Variants in HSF2BP observed in about 807,000 individuals in gnomAD.
HSF2BP encodes heat shock factor 2-binding protein.
Under a neutral mutation model 35.0 loss-of-function variants are expected in HSF2BP, and 35 were observed. That is an observed-to-expected ratio of 1.00 (90% CI 0.76 to 1.32). HSF2BP has a LOEUF of 1.32. HSF2BP is among the 40% of genes most tolerant of loss of function. The pLI is 0.00. For synonymous variants in HSF2BP, 114 were observed against 117.4 expected (o/e 0.97, Z 0.18); for missense variants, 326 against 321.7 (o/e 1.01, Z -0.10).
chr21:43,573,866 G>A (rs901912116), intron 8 of HSF2BP, among the ~76,000 whole-genome samples: 3 of 152,186 alleles, frequency 2.0e-5, no homozygotes, highest in Non-Finnish European at 2.9e-5. Flanking sequence ...CACTTTGCTC[G>A]ATTCCCAACC....
rs544196505 is a variant in HSF2BP, at chr21:43,657,859, C to A, written c.36+202G>T. 1.7e-4 allele frequency: 171 copies of A among 985,480 alleles called. 4 individuals are homozygous for A. In the South Asian group the frequency reaches 7.5e-3, roughly 43 times the overall value. The allele number at this position is 985,480 out of a possible 1,614,324, so 61.0% of individuals were successfully genotyped here. Reference sequence around the variant, plus strand: ...CGCAGCCTCACAGACCGGGTCCCCGCGTGGGTTTGGAGGCGAAGTCGCCTC... The same window carrying A: ...CGCAGCCTCACAGACCGGGTCCCCGAGTGGGTTTGGAGGCGAAGTCGCCTC... On this transcript the variant is annotated intron_variant, in intron 2 of 8. Transcript: ENST00000291560.
chr21:43,623,121 C>G (rs2082350142), intron 6 of HSF2BP, among the ~76,000 whole-genome samples: 1 of 151,960 alleles, frequency 6.6e-6, no homozygotes, highest in African/African-American at 2.4e-5. Context: ...CTTTTCTGAC[C>G]ACAATACAAT....
At chr21:43,642,515 T>A (rs2082650559) in intron 4 of HSF2BP, among the ~76,000 whole-genome samples, 1 of 152,014 alleles carries the variant, frequency 6.6e-6, no homozygotes, top group South Asian at 2.1e-4. Context: ...TCCTCTGTAT[T>A]CACCTTACAG....
rs2082677391 is a variant in HSF2BP at position 43,644,169 on chromosome 21, C to A, written c.291+120G>T. On this transcript the variant is annotated intron_variant, in intron 4 of 8. Coordinates refer to ENST00000291560, the MANE Select transcript of HSF2BP (RefSeq NM_007031.2). ...AACCCACTCAGAATACATACATTTA[C>A]AAATACAATTTATTGAGGATTAAGA... The A allele has an allele frequency of 4.5e-6, 3 of 671,990 alleles. No homozygotes were observed. In the East Asian group the frequency reaches 7.9e-5, roughly 18 times the overall value. The allele number at this position is 671,990 out of a possible 1,614,324, so 41.6% of individuals were successfully genotyped here. A position where few individuals can be genotyped will look rare whatever the true frequency, so the allele number is the denominator to read the frequency against.
At chr21:43,650,462 C>T (rs955451511) in intron 3 of HSF2BP, among the ~76,000 whole-genome samples, 1 of 152,082 alleles carries the variant, frequency 6.6e-6, no homozygotes, top group Admixed American at 6.5e-5. Context: ...ACTTCGGCCT[C>T]CCAAAGTGCT....
chr21:43,589,666 A>G (rs372079876), intron 8 of HSF2BP, among the ~76,000 whole-genome samples: 1 of 152,232 alleles, frequency 6.6e-6, no homozygotes, highest in Non-Finnish European at 1.5e-5. Context: ...ATGATCCAAA[A>G]ATAGATGAAT....
intron 7 of HSF2BP, among the ~76,000 whole-genome samples, chr21:43,599,773 A>G (rs946637948): frequency 3.9e-5 from 6 of 151,950 alleles, no homozygotes; most frequent in African/African-American, 1.5e-4. Context: ...CAGCCTGGGC[A>G]ATAAAGTGAG....
intron 8 of HSF2BP, among the ~76,000 whole-genome samples, chr21:43,589,480 G>C (rs1302094269): frequency 6.6e-6 from 1 of 152,078 alleles, no homozygotes; most frequent in African/African-American, 2.4e-5. Context: ...AATTCCAACA[G>C]GATTCTTTTT....
intron 6 of HSF2BP, among the ~76,000 whole-genome samples, chr21:43,618,330 T>C (rs771237302): frequency 9.8e-5 from 15 of 152,322 alleles, no homozygotes; most frequent in African/African-American, 3.4e-4. Context: ...GTACTATGTC[T>C]GATACTTTTG....
intron 3 of HSF2BP, among the ~76,000 whole-genome samples, chr21:43,645,791 C>T (rs987052034): frequency 6.6e-6 from 1 of 152,070 alleles, no homozygotes; most frequent in Non-Finnish European, 1.5e-5. Context: ...GCTTTCGAAT[C>T]TAGGGGTCTG....
At chr21:43,618,232 C>G (rs574047828) in intron 6 of HSF2BP, among the ~76,000 whole-genome samples, 1 of 152,024 alleles carries the variant, frequency 6.6e-6, no homozygotes, top group South Asian at 2.1e-4. Flanking sequence ...TGTACTCCAG[C>G]CTGGGCAATT....
intron 8 of HSF2BP, among the ~76,000 whole-genome samples, chr21:43,575,249 G>C (rs918920162): frequency 5.3e-5 from 8 of 152,200 alleles, no homozygotes; most frequent in Non-Finnish European, 1.2e-4. Context: ...CGCTCCACTG[G>C]GCTGCATGAG....
chr21:43,622,628 G>A (rs548450578), intron 6 of HSF2BP, among the ~76,000 whole-genome samples: 7 of 152,224 alleles, frequency 4.6e-5, no homozygotes, highest in African/African-American at 1.7e-4. Context: ...TATAACAATT[G>A]TAAATATCTA....
At chr21:43,586,756 G>A (rs1174963441) in intron 8 of HSF2BP, among the ~76,000 whole-genome samples, 3 of 151,810 alleles carry the variant, frequency 2.0e-5, no homozygotes, top group Admixed American at 1.3e-4. Flanking sequence ...ATTGATAAAA[G>A]TAGGAACTGA....
chr21:43,637,414 C>T (rs2082578047), intron 4 of HSF2BP, among the ~76,000 whole-genome samples: 1 of 151,896 alleles, frequency 6.6e-6, no homozygotes, highest in Non-Finnish European at 1.5e-5. Flanking sequence ...AGAGCAGGGA[C>T]TAATTGCAAC....
Position 43,658,045 on chromosome 21 carries a change from G to A in HSF2BP, c.36+16C>T, listed in dbSNP as rs943756621. On this transcript the variant is annotated intron_variant, in intron 2 of 8. Coordinates refer to ENST00000291560, the MANE Select transcript of HSF2BP (RefSeq NM_007031.2). ...GGTTCAAACACGCTGGCGTCGGCCA[G>A]GGCTTCCTCACTAACCCGGCAGGCC... is the stretch of plus-strand genomic sequence containing the variant. 3.9e-6 allele frequency: 6 copies of A among 1,535,870 alleles called. No individual in the cohort carries two copies. Among genetic ancestry groups the A allele is most frequent in the Non-Finnish European group, 5.2e-6 (6 of 1,146,312 alleles).
At chr21:43,648,525 A>C (rs1393514127) in intron 3 of HSF2BP, among the ~76,000 whole-genome samples, 1 of 152,118 alleles carries the variant, frequency 6.6e-6, no homozygotes, top group Non-Finnish European at 1.5e-5. Context: ...TGGTTCCCCC[A>C]ACCCTGATCA....
chr21:43,576,179 C>T (rs1340279953), intron 8 of HSF2BP, among the ~76,000 whole-genome samples: 1 of 150,084 alleles, frequency 6.7e-6, no homozygotes, highest in Non-Finnish European at 1.5e-5. Flanking sequence ...GTAATGATAT[C>T]AATCTCAGAT....
rs998422881 is a variant in HSF2BP at position 43,623,574 on chromosome 21, C to T, written c.574+6748G>A. Among the ~76,000 whole-genome samples, 7 of 152,104 alleles carry T rather than the reference C, an allele frequency of 4.6e-5. 1 individual carries two copies. Among genetic ancestry groups the T allele is most frequent in the African/African-American group, 7.2e-5 (3 of 41,408 alleles). On this transcript the variant is annotated intron_variant, in intron 6 of 8. Transcript: ENST00000291560. ...CCATGCCCAGAAGAGATCTTGTAGA[C>T]GACACTCCCATACCAAAGCCTGACT...
Sources: allele counts gnomAD v4.1 joint callset (sites outside exome capture counted in the v4.1 genomes callset), GRCh38; gene constraint gnomAD v4.1.1; transcripts MANE v1.5; gene names NCBI Gene and HGNC (gene_info 2026-07-23, HGNC 2026-07-21).